RXFP2: variants seen among roughly 807,000 people sequenced by gnomAD.
RXFP2 encodes the protein relaxin family peptide receptor 2.
Under a neutral mutation model 88.6 loss-of-function variants are expected in RXFP2, and 68 were observed. The observed-to-expected ratio is 0.77, with a 90% CI of 0.63 to 0.94. RXFP2 has a LOEUF of 0.94. Among genes scored for constraint, RXFP2 ranks in the 40% least tolerant of loss-of-function variants. The pLI is 0.00. For missense variants in RXFP2, 791 were observed against 893.9 expected, an observed-to-expected ratio of 0.88 and a Z score of 1.47; for synonymous variants, 329 against 306.8, an observed-to-expected ratio of 1.07 and a Z score of -0.76.
Position 31,775,301 on chromosome 13 carries a change from A to T in RXFP2, c.570-17A>T. ...GGTATTGAGTTTGCCTAATTAACTC[A>T]CCCATGCTATTTGTAGATATCTCAA... On this transcript the variant is annotated splice_polypyrimidine_tract_variant and intron_variant, in intron 6 of 17. Transcript: ENST00000298386. 6.2e-7 allele frequency: 1 copy of T among 1,602,494 alleles called. No homozygotes were observed. Among genetic ancestry groups the T allele is most frequent in the East Asian group, 2.2e-5 (1 of 44,808 alleles).
intron 1 of RXFP2, among the ~76,000 whole-genome samples, chr13:31,749,718 T>A (rs117496480): frequency 0.016 from 2,418 of 152,300 alleles, 29 homozygotes; most frequent in Non-Finnish European, 0.022. Context: ...GGCTGAAATA[T>A]AAAAATACAA....
At chr13:31,788,725 T>C (rs1378490067) in intron 13 of RXFP2, among the ~76,000 whole-genome samples, 2 of 152,146 alleles carry the variant, frequency 1.3e-5, no homozygotes, top group African/African-American at 4.8e-5. Flanking sequence ...TAAATCCAGA[T>C]TCTCACAAAA....
At position 31,748,769 on chromosome 13, in the gene RXFP2, G is replaced by A. The variant is rs1032499703; in HGVS notation, c.94+9063G>A. On this transcript the variant is annotated intron_variant, in intron 1 of 17. Coordinates refer to ENST00000298386, the MANE Select transcript of RXFP2 (RefSeq NM_130806.5). ...TGGGAGGCCGAGGCGGGCAGATCAC[G>A]AGGTCAGGAGATCGAGACCTACCTG... is the stretch of plus-strand genomic sequence containing the variant. Among the ~76,000 whole-genome samples the A allele has an allele frequency of 5.9e-5, 9 of 152,208 alleles. 1 individual carries two copies. Among genetic ancestry groups the A allele is most frequent in the Admixed American group, 2.6e-4 (4 of 15,278 alleles).
chr13:31,794,972 T>C (rs1170033482), intron 16 of RXFP2, among the ~76,000 whole-genome samples: 1 of 152,090 alleles, frequency 6.6e-6, no homozygotes, highest in Non-Finnish European at 1.5e-5. Flanking sequence ...AGCTCTAAAG[T>C]ACAATTTTTT....
intron 15 of RXFP2, 61 bp from the exon 16 acceptor site, chr13:31,792,617 C>A: frequency 6.6e-7 from 1 of 1,514,414 alleles, no homozygotes. Flanking sequence ...TAGACTTAAT[C>A]AGAAAACTAA....
intron 11 of RXFP2, among the ~76,000 whole-genome samples, chr13:31,785,837 A>C (rs1245551882): frequency 6.6e-6 from 1 of 152,142 alleles, no homozygotes; most frequent in African/African-American, 2.4e-5. Flanking sequence ...CAGTCCTATT[A>C]TATTTAATTC....
intron 5 of RXFP2, among the ~76,000 whole-genome samples, chr13:31,769,962 G>A (rs187998732): frequency 6.6e-6 from 1 of 152,290 alleles, no homozygotes; most frequent in East Asian, 1.9e-4. Flanking sequence ...AAATATTGAA[G>A]AGAACAGCAC....
intron 17 of RXFP2, among the ~76,000 whole-genome samples, chr13:31,800,805 T>G (rs1289346427): frequency 6.6e-6 from 1 of 151,588 alleles, no homozygotes; most frequent in African/African-American, 2.4e-5. Flanking sequence ...ACTTATTTTG[T>G]TTTTCTTCAA....
At chr13:31,790,296 C>T (rs879369815) in intron 14 of RXFP2, among the ~76,000 whole-genome samples, 1 of 152,088 alleles carries the variant, frequency 6.6e-6, no homozygotes, top group Non-Finnish European at 1.5e-5. Context: ...AGATGCTAGA[C>T]GGTTCTATCT....
chr13:31,783,744 A>G (rs1489370074), intron 11 of RXFP2, among the ~76,000 whole-genome samples: 1 of 152,128 alleles, frequency 6.6e-6, no homozygotes, highest in Non-Finnish European at 1.5e-5. Flanking sequence ...ATGACTGTGG[A>G]CTTGGGTTGC....
intron 1 of RXFP2, among the ~76,000 whole-genome samples, chr13:31,741,813 G>T (rs771015970): frequency 1.3e-5 from 2 of 152,092 alleles, no homozygotes; most frequent in Non-Finnish European, 1.5e-5. Context: ...ATTTCTTAAT[G>T]GACAAATTAG....
intron 9 of RXFP2, among the ~76,000 whole-genome samples, chr13:31,780,230 T>C (rs904972390): frequency 6.6e-6 from 1 of 152,132 alleles, no homozygotes; most frequent in Non-Finnish European, 1.5e-5. Flanking sequence ...CTGATTGCAA[T>C]TGAGAGCCTT....
chr13:31,764,539 G>A (rs1191079982), intron 3 of RXFP2, among the ~76,000 whole-genome samples: 1 of 152,164 alleles, frequency 6.6e-6, no homozygotes, highest in Admixed American at 6.5e-5. Context: ...ATGGATTTTA[G>A]TAAGGTGCCA....
At chr13:31,745,216 C>A (rs1370824762) in intron 1 of RXFP2, among the ~76,000 whole-genome samples, 2 of 151,904 alleles carry the variant, frequency 1.3e-5, no homozygotes, top group African/African-American at 2.4e-5. Context: ...TGAATTCCCC[C>A]TTTTTGCGGA....
chr13:31,765,630 A>G (rs1474384485), intron 4 of RXFP2, among the ~76,000 whole-genome samples: 1 of 152,150 alleles, frequency 6.6e-6, no homozygotes, highest in Non-Finnish European at 1.5e-5. Context: ...TTGGGCATGC[A>G]TGAGTGGGTT....
At position 31,774,695 on chromosome 13, in the gene RXFP2, A is replaced by T; in HGVS notation, c.569+4A>T. ...GATTATGTAATCTGCAAATATTGTG[A>T]GTAACCTCTTTCTCATATTGTAGGT... On this transcript the variant is annotated splice_donor_region_variant and intron_variant, in intron 6 of 17. Coordinates refer to ENST00000298386, the MANE Select transcript of RXFP2 (RefSeq NM_130806.5). 7.1e-7 allele frequency: 1 copy of T among 1,399,838 alleles called. No individual in the cohort carries two copies. The highest frequency in any genetic ancestry group is 1.0e-6 in the Non-Finnish European group (1 of 984,888). 86.7% of individuals were successfully genotyped at this position (1,399,838 alleles called of 1,614,324 possible). A position where few individuals can be genotyped will look rare whatever the true frequency, so the allele number is the denominator to read the frequency against.
At chr13:31,765,913 C>A in intron 4 of RXFP2, 43 bp from the exon 5 acceptor site, 1 of 943,908 alleles carries the variant, frequency 1.1e-6, no homozygotes, top group Non-Finnish European at 1.7e-6. Context: ...AGTGGGTTGG[C>A]CATAACAATC....
Position 31,757,996 on chromosome 13 carries a change from G to C in RXFP2, c.95-262G>C, listed in dbSNP as rs539115518. ...AATCTTGGCTACTCGGGAGGCTGAGGCAGGAGAATCGTTTGAATTTGGGAG... is the reference window on the plus strand; with the variant it reads ...AATCTTGGCTACTCGGGAGGCTGAGCCAGGAGAATCGTTTGAATTTGGGAG... On this transcript the variant is annotated intron_variant, in intron 1 of 17. Coordinates refer to ENST00000298386, the MANE Select transcript of RXFP2 (RefSeq NM_130806.5). Among the ~76,000 whole-genome samples the C allele has an allele frequency of 4.6e-5, 7 of 152,278 alleles. 1 individual carries two copies. The highest frequency in any genetic ancestry group is 2.6e-4 in the Admixed American group (4 of 15,298).
In RXFP2 at chr13:31,792,923, A is replaced by G; in HGVS notation, c.1621A>G (p.Ile541Val). ...ACCTGGAAAACGGCAGACCTCAGTC[A>G]TCCTCATTTGCATCTGGATGGCGGG... ...IRPGKRQTSV[I>V]LICIWMAGFL... Residue 541 changes from isoleucine (I) to valine (V), a missense_variant, in exon 16 of 18, where the codon ATC (isoleucine) becomes GTC (valine). By Grantham distance (29) the Ile-to-Val change is conservative. Transcript: ENST00000298386. 1 of 1,614,198 alleles carries G rather than the reference A, an allele frequency of 6.2e-7. No homozygotes were observed. Among genetic ancestry groups the G allele is most frequent in the Non-Finnish European group, 8.5e-7 (1 of 1,180,038 alleles).
Sources: allele counts gnomAD v4.1 joint callset (sites outside exome capture counted in the v4.1 genomes callset), GRCh38; gene constraint gnomAD v4.1.1; transcripts MANE v1.5; gene names NCBI Gene and HGNC (gene_info 2026-07-23, HGNC 2026-07-21).